EPB41L3: variants seen among roughly 807,000 people sequenced by gnomAD.
The protein encoded by EPB41L3 is erythrocyte membrane protein band 4.1 like 3.
In EPB41L3, 57 loss-of-function variants were observed where a neutral mutation model predicts 127.1. The ratio of observed to expected loss-of-function variants is 0.45; its 90% CI spans 0.36 to 0.56. EPB41L3 has a LOEUF of 0.56. EPB41L3 is among the 20% of genes least tolerant of loss of function. The pLI is 0.00. For missense variants in EPB41L3, 1,273 were observed against 1,372.2 expected (o/e 0.93, Z 1.14); for synonymous variants, 572 against 549.5 (o/e 1.04, Z -0.57).
In EPB41L3 at chr18:5,395,702, A is replaced by G. The variant is rs745967198; in HGVS notation, c.2979T>C (p.Asp993=). The G allele has an allele frequency of 1.2e-6, 2 of 1,614,064 alleles. No homozygotes were observed. Among genetic ancestry groups the G allele is most frequent in the East Asian group, 2.2e-5 (1 of 44,876 alleles). Residue 993 remains aspartate, a synonymous_variant, in exon 20 of 23, where the codon GAT becomes GAC. Transcript: ENST00000341928. ...KTITYESSQV[D]PGTDLEPGVL... is the part of the protein sequence containing the mutation. Reference sequence around the variant, plus strand: ...CGCCTGGCTCCAGATCTGTGCCTGGATCGACCTAAAGCAGCAGAGGCATAG... The same window carrying G: ...CGCCTGGCTCCAGATCTGTGCCTGGGTCGACCTAAAGCAGCAGAGGCATAG...
chr18:5,410,597 G>C lies in EPB41L3; in HGVS notation c.2090C>G (p.Thr697Ser). Residue 697 changes from threonine (T) to serine (S), a missense_variant, in exon 14 of 23, where the codon ACC becomes AGC. Physicochemically the swap from Thr to Ser is moderately conservative, Grantham distance 58. This residue lies in a region of EPB41L3 where 765 missense variants were observed against 782.9 expected (regional missense o/e 0.98). Coordinates refer to ENST00000341928, the MANE Select transcript of EPB41L3 (RefSeq NM_012307.5). ...EEETDSERTD[T>S]AADGETTATE... ...GGCAGTGGTCTCCCCGTCGGCTGCG[G>C]TGTCCGTGCGCTCACTGTCAGTCTG... 1 of 1,613,750 alleles carries C rather than the reference G, an allele frequency of 6.2e-7. No individual in the cohort carries two copies. The highest frequency in any genetic ancestry group is 8.5e-7 in the Non-Finnish European group (1 of 1,179,770).
chr18:5,407,038 G>T, intron 15 of EPB41L3, 70 bp from the exon 16 acceptor site: 1 of 1,443,066 alleles, frequency 6.9e-7, no homozygotes, highest in Non-Finnish European at 9.7e-7. Flanking sequence ...TCTTTTGTTT[G>T]CTTTAAAAGT....
At chr18:5,412,057 T>C (rs6506300) in intron 13 of EPB41L3, among the ~76,000 whole-genome samples, 147,743 of 152,248 alleles carry the variant, frequency 0.97, 71,831 homozygotes, top group East Asian at 1. Flanking sequence ...GTGATTGTTG[T>C]TATGGGATTA....
intron 1 of EPB41L3, among the ~76,000 whole-genome samples, chr18:5,515,889 A>G (rs918076711): frequency 2.6e-5 from 4 of 152,328 alleles, no homozygotes; most frequent in Admixed American, 2.6e-4. Context: ...GTTTTTCTCA[A>G]TAGAGGAGGA....
At chr18:5,602,513 T>C (rs2094602786) in intron 3 of EPB41L3, among the ~76,000 whole-genome samples, 1 of 152,198 alleles carries the variant, frequency 6.6e-6, no homozygotes, top group Non-Finnish European at 1.5e-5. Flanking sequence ...GTATGCATCA[T>C]AGCTCACCGT....
intron 3 of EPB41L3, among the ~76,000 whole-genome samples, chr18:5,461,127 C>T (rs541354555): frequency 6.6e-6 from 1 of 152,244 alleles, no homozygotes; most frequent in Admixed American, 6.5e-5. Flanking sequence ...AAAGGAATAA[C>T]TGGAGACATT....
intron 3 of EPB41L3, among the ~76,000 whole-genome samples, chr18:5,450,693 A>G (rs1480878413): frequency 6.6e-6 from 1 of 152,254 alleles, no homozygotes; most frequent in Admixed American, 6.5e-5. Context: ...GAGTAAATAC[A>G]AACTTAAAAT....
chr18:5,520,715 G>A (rs1224170431), intron 1 of EPB41L3, among the ~76,000 whole-genome samples: 1 of 152,184 alleles, frequency 6.6e-6, no homozygotes, highest in African/African-American at 2.4e-5. Context: ...TAAATCAGCA[G>A]AACAGAGGCA....
At chr18:5,589,788 G>A (rs1229798744) in intron 3 of EPB41L3, among the ~76,000 whole-genome samples, 1 of 152,160 alleles carries the variant, frequency 6.6e-6, no homozygotes, top group Non-Finnish European at 1.5e-5. Flanking sequence ...AGGACTCCTG[G>A]CAGGAGAGTG....
intron 16 of EPB41L3, among the ~76,000 whole-genome samples, chr18:5,406,270 C>T (rs1239033409): frequency 2.0e-5 from 3 of 151,760 alleles, no homozygotes; most frequent in Admixed American, 6.6e-5. Context: ...AAACAAAAAA[C>T]GTAATATAAA....
Position 5,449,926 on chromosome 18 carries a change from GAAT to G in EPB41L3, c.382-4685_382-4683del, listed in dbSNP as rs569558618. 5.3e-5 allele frequency among the ~76,000 whole-genome samples: 8 copies of G among 152,220 alleles called. No individual in the cohort carries two copies. The South Asian group carries it at 1.5e-3, about 28-fold the overall frequency. ...ATTAACAATAAGTGATAGTAAGATA[GAAT>G]AATTACAAAATATACTGTAATAAAA... On this transcript the variant is annotated intron_variant, in intron 3 of 22. Transcript: ENST00000341928.
At position 5,538,594 on chromosome 18, in the gene EPB41L3, G is replaced by A. The variant is rs2093636153; in HGVS notation, c.-12+5319C>T. Among the ~76,000 whole-genome samples the A allele has an allele frequency of 2.0e-5, 3 of 152,318 alleles. 1 individual carries two copies. Among genetic ancestry groups the A allele is most frequent in the South Asian group, 4.1e-4 (2 of 4,826 alleles). On this transcript the variant is annotated intron_variant, in intron 1 of 22. Transcript: ENST00000341928. ...GACCAAAGAAGAGAGAGCTAAAACAGAAAATAGTTTTCCTCTCTTTAGTTG... is the reference window on the plus strand; with the variant it reads ...GACCAAAGAAGAGAGAGCTAAAACAAAAAATAGTTTTCCTCTCTTTAGTTG...
chr18:5,551,092 C>G (rs781759092), intron 3 of EPB41L3, among the ~76,000 whole-genome samples: 1 of 152,128 alleles, frequency 6.6e-6, no homozygotes, highest in Non-Finnish European at 1.5e-5. Context: ...CTTTTGGAGT[C>G]AAGGTATAAA....
At chr18:5,499,833 A>G (rs190474398) in intron 1 of EPB41L3, among the ~76,000 whole-genome samples, 11,969 of 130,914 alleles carry the variant, frequency 0.091, 1,087 homozygotes, top group Non-Finnish European at 0.14. Context: ...GTGTGTGTAT[A>G]TATATATATA....
At chr18:5,430,053 C>T (rs542830011) in intron 8 of EPB41L3, among the ~76,000 whole-genome samples, 37 of 152,300 alleles carry the variant, frequency 2.4e-4, no homozygotes, top group African/African-American at 8.7e-4. Context: ...AGGGAAAGGA[C>T]ATTCGAAACC....
chr18:5,448,805 C>G (rs77855868), intron 3 of EPB41L3, among the ~76,000 whole-genome samples: 1 of 152,114 alleles, frequency 6.6e-6, no homozygotes, highest in African/African-American at 2.4e-5. Context: ...GTGGCTTGCC[C>G]TCTTCTTAAA....
chr18:5,496,309 C>A (rs1397353765), intron 1 of EPB41L3, among the ~76,000 whole-genome samples: 1 of 152,204 alleles, frequency 6.6e-6, no homozygotes, highest in Non-Finnish European at 1.5e-5. Context: ...TACCAAATGC[C>A]AGCGCATAAA....
intron 16 of EPB41L3, 63 bp downstream of exon 16, chr18:5,406,714 A>G (rs2075443019): frequency 6.9e-7 from 1 of 1,452,172 alleles, no homozygotes; most frequent in Non-Finnish European, 9.5e-7. Context: ...GCAATTCCAC[A>G]CCCTGTAGAG....
Position 5,401,280 on chromosome 18 carries a change from TTGGG to T in EPB41L3, c.2350-3141_2350-3138del, listed in dbSNP as rs770735521. Among the ~76,000 whole-genome samples, 16 of 152,260 alleles carry T rather than the reference TTGGG, an allele frequency of 1.1e-4. No homozygotes were observed. In the South Asian group the frequency reaches 2.5e-3, roughly 24 times the overall value. The stretch of plus-strand genomic sequence containing the variant: ...CAAAGAGCTCAGATTTTCTGAAACT[TTGGG>T]GTTAACTTTGGTGTTTATATAACTC... On this transcript the variant is annotated intron_variant, in intron 16 of 22. Coordinates refer to ENST00000341928, the MANE Select transcript of EPB41L3 (RefSeq NM_012307.5).
Sources: allele counts gnomAD v4.1 joint callset (sites outside exome capture counted in the v4.1 genomes callset), GRCh38; gene constraint gnomAD v4.1.1; regional missense constraint gnomAD v4.1.1; transcripts MANE v1.5; gene names NCBI Gene and HGNC (gene_info 2026-07-23, HGNC 2026-07-21).